The following FARS2 variants were observed in gnomAD, a reference collection of about 807,000 sequenced individuals.
The protein encoded by FARS2 is phenylalanyl-tRNA synthetase 2, mitochondrial, also known as phenylalanine--tRNA ligase, mitochondrial.
Under a neutral mutation model 46.4 loss-of-function variants are expected in FARS2, and 40 were observed. The ratio of observed to expected loss-of-function variants is 0.86; its 90% CI spans 0.67 to 1.12. The LOEUF is 1.12. Ranked by LOEUF, FARS2 falls within the 50% of genes most tolerant of loss-of-function variation. FARS2 has a pLI of 0.00. For synonymous variants in FARS2, 234 were observed against 214.9 expected (o/e 1.09, Z -0.78); for missense variants, 513 against 567.9 (o/e 0.90, Z 0.98).
At chr6:5,410,739 G>C (rs1240000038) in intron 3 of FARS2, among the ~76,000 whole-genome samples, 1 of 152,134 alleles carries the variant, frequency 6.6e-6, no homozygotes, top group Non-Finnish European at 1.5e-5. Flanking sequence ...TGATATGGGT[G>C]TTACAATCTC....
At chr6:5,422,797 A>G (rs777039395) in intron 3 of FARS2, among the ~76,000 whole-genome samples, 3 of 152,148 alleles carry the variant, frequency 2.0e-5, no homozygotes, top group Non-Finnish European at 4.4e-5. Context: ...TTATTTTTTC[A>G]TATTTTATTA....
At chr6:5,514,209 C>G (rs1307021298) in intron 4 of FARS2, among the ~76,000 whole-genome samples, 1 of 151,920 alleles carries the variant, frequency 6.6e-6, no homozygotes, top group African/African-American at 2.4e-5. Context: ...TTAAATGAAG[C>G]ATAAGTAATC....
At chr6:5,708,002 G>A (rs1758868410) in intron 6 of FARS2, among the ~76,000 whole-genome samples, 1 of 152,208 alleles carries the variant, frequency 6.6e-6, no homozygotes, top group Admixed American at 6.5e-5. Context: ...AGGTGCCATT[G>A]GAATTGAACC....
rs376981585 is a variant in FARS2 at position 5,412,926 on chromosome 6, C to T, written c.772+8225C>T. 5.9e-5 allele frequency among the ~76,000 whole-genome samples: 9 copies of T among 152,206 alleles called. No homozygotes were observed. In the South Asian group the frequency reaches 6.2e-4, roughly 11 times the overall value. On this transcript the variant is annotated intron_variant, in intron 3 of 6. Transcript: ENST00000274680. ...GTAGTCTAGAGCAGGTTGCTCTTTC[C>T]GATAAAAACGGGCCAACACCTTCAA...
intron 3 of FARS2, among the ~76,000 whole-genome samples, chr6:5,416,399 T>G (rs1268304996): frequency 1.3e-5 from 2 of 152,224 alleles, no homozygotes; most frequent in Non-Finnish European, 2.9e-5. Context: ...CCTTTCCTTC[T>G]GCACTGCAAA....
intron 3 of FARS2, among the ~76,000 whole-genome samples, chr6:5,415,914 C>G (rs1217199386): frequency 2.0e-5 from 3 of 152,118 alleles, no homozygotes; most frequent in Admixed American, 1.3e-4. Flanking sequence ...ACTATATTGT[C>G]CAGGCTGGTC....
chr6:5,633,386 G>A (rs531924988), intron 6 of FARS2, among the ~76,000 whole-genome samples: 4 of 143,328 alleles, frequency 2.8e-5, no homozygotes, highest in South Asian at 2.2e-4. Flanking sequence ...AGTGATTATC[G>A]TGCCTCAGCC....
At chr6:5,751,477 C>G (rs1235557657) in intron 6 of FARS2, among the ~76,000 whole-genome samples, 2 of 152,222 alleles carry the variant, frequency 1.3e-5, no homozygotes, top group Non-Finnish European at 2.9e-5. Flanking sequence ...CACATTCATT[C>G]TAGTGAGGAA....
chr6:5,638,217 A>C (rs77812352), intron 6 of FARS2, among the ~76,000 whole-genome samples: 6,194 of 152,324 alleles, frequency 0.041, 415 homozygotes, highest in African/African-American at 0.14. Flanking sequence ...GAAAAGAGCT[A>C]CTACAGGTAC....
At chr6:5,405,480 CTTTTTTTTTTTTTT>C (rs398000284) in intron 3 of FARS2, among the ~76,000 whole-genome samples, 1 of 58,946 alleles carries the variant, frequency 1.7e-5, no homozygotes, top group South Asian at 7.9e-4. Context: ...GAGCAAGGTT[CTTTTTTTTTTTTTT>C]TTTTTTTTTT....
chr6:5,631,541 T>C (rs1776293960), intron 6 of FARS2, among the ~76,000 whole-genome samples: 1 of 152,252 alleles, frequency 6.6e-6, no homozygotes, highest in South Asian at 2.1e-4. Flanking sequence ...TCTTAGAGAA[T>C]GTAGCCAGGG....
At chr6:5,645,478 G>A (rs1455346779) in intron 6 of FARS2, among the ~76,000 whole-genome samples, 1 of 152,202 alleles carries the variant, frequency 6.6e-6, no homozygotes, top group Admixed American at 6.5e-5. Flanking sequence ...CCCACACACA[G>A]TCGGGCCAGG....
chr6:5,761,056 G>A (rs1311243099), intron 6 of FARS2, among the ~76,000 whole-genome samples: 1 of 152,126 alleles, frequency 6.6e-6, no homozygotes, highest in African/African-American at 2.4e-5. Context: ...AATGCCCCTT[G>A]CCACCAGTAC....
At chr6:5,404,816 C>T in intron 3 of FARS2, 115 bp downstream of exon 3, 1 of 747,792 alleles carries the variant, frequency 1.3e-6, no homozygotes, top group Non-Finnish European at 2.0e-6. Context: ...TTTTTTTTCC[C>T]CGAGACGGAG....
At chr6:5,649,093 T>A (rs1359289100) in intron 6 of FARS2, among the ~76,000 whole-genome samples, 1 of 152,216 alleles carries the variant, frequency 6.6e-6, no homozygotes, top group Non-Finnish European at 1.5e-5. Flanking sequence ...CATGCTGCAA[T>A]TTGTTAGAGG....
chr6:5,430,569 A>T (rs546482873), intron 3 of FARS2, among the ~76,000 whole-genome samples: 11 of 151,508 alleles, frequency 7.3e-5, no homozygotes, highest in Non-Finnish European at 1.2e-4. Context: ...ACTTAAAAAT[A>T]ATATATATAT....
chr6:5,490,260 G>T (rs1490191388), intron 4 of FARS2, among the ~76,000 whole-genome samples: 1 of 152,152 alleles, frequency 6.6e-6, no homozygotes, highest in Admixed American at 6.5e-5. Context: ...GCATTCTATT[G>T]TGTAGATATA....
chr6:5,459,941 G>A (rs899528899), intron 4 of FARS2, among the ~76,000 whole-genome samples: 5 of 149,050 alleles, frequency 3.4e-5, no homozygotes, highest in South Asian at 2.1e-4. Flanking sequence ...ACCATGCAAC[G>A]TGAAATATGA....
In FARS2 at chr6:5,544,206, AGC is replaced by A. The variant is rs1491352615; in HGVS notation, c.905-973_905-972del. On this transcript the variant is annotated intron_variant, in intron 4 of 6. Coordinates refer to ENST00000274680, the MANE Select transcript of FARS2 (RefSeq NM_006567.5). ...GGCCCGAGCCATGTGGCCTCTTCAC[AGC>A]CAGGAGGTGGATCTCTCTCCAATCG... is the stretch of plus-strand genomic sequence containing the variant. 2.0e-5 allele frequency among the ~76,000 whole-genome samples: 3 copies of A among 152,320 alleles called. No individual in the cohort carries two copies. In the East Asian group the frequency reaches 5.8e-4, roughly 29 times the overall value.
Sources: allele counts gnomAD v4.1 joint callset (sites outside exome capture counted in the v4.1 genomes callset), GRCh38; gene constraint gnomAD v4.1.1; transcripts MANE v1.5; gene names NCBI Gene and HGNC (gene_info 2026-07-23, HGNC 2026-07-21).